Variants in RPS6KA3 observed in about 807,000 individuals in gnomAD.
RPS6KA3 encodes ribosomal protein S6 kinase alpha-3.
RPS6KA3 carries 4 observed loss-of-function variants against 67.2 expected under a neutral mutation model. That is an observed-to-expected ratio of 0.06 (90% CI 0.03 to 0.14). The LOEUF (loss-of-function observed/expected upper bound fraction) is 0.14, where lower values mean the gene tolerates loss of function less well. RPS6KA3 is among the 10% of genes least tolerant of loss of function. RPS6KA3 has a pLI of 1.00. For missense variants in RPS6KA3, 204 were observed against 559.0 expected (o/e 0.36, Z 6.40); for synonymous variants, 182 against 183.7 (o/e 0.99, Z 0.07).
In RPS6KA3 at chrX:20,207,161, G is replaced by T. The variant is rs867718449; in HGVS notation, c.243+2127C>A. Among the ~76,000 whole-genome samples, 3 of 112,147 alleles carry T rather than the reference G, an allele frequency of 2.7e-5. No individual in the cohort carries two copies. In the South Asian group the frequency reaches 1.1e-3, roughly 42 times the overall value. ...GGAGACTCCTTCAATAGACCAGGAA[G>T]AAAGGTGGTAGCATATTCTCAAGGG... On this transcript the variant is annotated intron_variant, in intron 3 of 21. Coordinates refer to ENST00000379565, the MANE Select transcript of RPS6KA3 (RefSeq NM_004586.3).
intron 1 of RPS6KA3, among the ~76,000 whole-genome samples, chrX:20,258,879 T>G (rs2070146014): frequency 8.9e-6 from 1 of 112,004 alleles, no homozygotes; most frequent in Non-Finnish European, 1.9e-5. Flanking sequence ...TGTGGAGATG[T>G]GACTCCAGGC....
chrX:20,200,506 A>G (rs771980311), intron 4 of RPS6KA3, among the ~76,000 whole-genome samples: 90 of 112,001 alleles, frequency 8.0e-4, no homozygotes, highest in African/African-American at 2.8e-3. Flanking sequence ...CCAATAAGTC[A>G]AATATTTTCA....
At chrX:20,216,531 A>G (rs2148750046) in intron 2 of RPS6KA3, among the ~76,000 whole-genome samples, 1 of 111,219 alleles carries the variant, frequency 9.0e-6, no homozygotes, top group South Asian at 3.8e-4. Flanking sequence ...GATAAATACT[A>G]TGAAGAAAAG....
At chrX:20,224,851 C>T (rs765997104) in intron 2 of RPS6KA3, among the ~76,000 whole-genome samples, 20 of 111,511 alleles carry the variant, frequency 1.8e-4, no homozygotes, top group Non-Finnish European at 2.6e-4. Flanking sequence ...GGCAGCAGCA[C>T]CATAGCCCCA....
At chrX:20,176,533 A>G in intron 11 of RPS6KA3, 35 bp from the exon 12 acceptor site, 5 of 929,623 alleles carry the variant, frequency 5.4e-6, no homozygotes, top group Non-Finnish European at 7.8e-6. Context: ...ATTTTATTTC[A>G]AGGAGAAATA....
chrX:20,250,610 G>GA (rs1249227131), intron 1 of RPS6KA3, among the ~76,000 whole-genome samples: 1 of 111,964 alleles, frequency 8.9e-6, no homozygotes, highest in Non-Finnish European at 1.9e-5. Context: ...TTATGATCAA[G>GA]AAAAAATACG....
At chrX:20,220,920 G>C (rs1357779127) in intron 2 of RPS6KA3, among the ~76,000 whole-genome samples, 1 of 111,876 alleles carries the variant, frequency 8.9e-6, no homozygotes, top group African/African-American at 3.2e-5. Flanking sequence ...ATAAGGGAAA[G>C]TATTAATACA....
At chrX:20,167,776 A>G in intron 16 of RPS6KA3, 29 bp from the exon 17 acceptor site, 1 of 989,461 alleles carries the variant, frequency 1.0e-6, no homozygotes, top group Non-Finnish European at 1.4e-6. Context: ...AAATGTAAAT[A>G]TTATTTGAAA....
chrX:20,216,905 C>T (rs2068868604), intron 2 of RPS6KA3, among the ~76,000 whole-genome samples: 1 of 111,937 alleles, frequency 8.9e-6, no homozygotes, highest in Admixed American at 9.5e-5. Context: ...AGGACCATTC[C>T]TTTTTGTTGG....
At chrX:20,247,791 G>GGAAAAAAAAA (rs780915245) in intron 1 of RPS6KA3, among the ~76,000 whole-genome samples, 1 of 39,479 alleles carries the variant, frequency 2.5e-5, no homozygotes, top group Non-Finnish European at 5.4e-5. Context: ...CGTCTCAAAA[G>GGAAAAAAAAA]AAAAAAAAAA....
At chrX:20,182,824 G>A (rs2067878128) in intron 10 of RPS6KA3, among the ~76,000 whole-genome samples, 1 of 111,674 alleles carries the variant, frequency 9.0e-6, no homozygotes, top group Non-Finnish European at 1.9e-5. Context: ...TTCCAGCTAT[G>A]TATAAAAGTT....
chrX:20,213,586 ATTAATT>A (rs946790503), intron 2 of RPS6KA3, among the ~76,000 whole-genome samples: 4 of 111,521 alleles, frequency 3.6e-5, no homozygotes, highest in Admixed American at 9.5e-5. Context: ...TATTAAAGCT[ATTAATT>A]TTAAGAAAAT....
rs533647753 is a variant in RPS6KA3, at chrX:20,183,461, C to T, written c.845+2835G>A. Among the ~76,000 whole-genome samples the T allele has an allele frequency of 1.2e-3, 139 of 111,629 alleles. 1 individual carries two copies. In the South Asian group the frequency reaches 0.05, roughly 40 times the overall value. On this transcript the variant is annotated intron_variant, in intron 10 of 21. Transcript: ENST00000379565. ...TGGATTACAGGTGTGAGCCACCACT[C>T]CCTGCCTATTTTTTATACGAATATT...
intron 1 of RPS6KA3, among the ~76,000 whole-genome samples, chrX:20,243,065 A>T (rs893009439): frequency 2.1e-4 from 24 of 112,264 alleles, no homozygotes; most frequent in African/African-American, 7.8e-4. Context: ...TAAAAAAAAA[A>T]TAAAACAAGC....
At chrX:20,226,932 A>G (rs1423391905) in intron 2 of RPS6KA3, among the ~76,000 whole-genome samples, 1 of 112,322 alleles carries the variant, frequency 8.9e-6, no homozygotes, top group African/African-American at 3.2e-5. Context: ...TGACTATGTA[A>G]ACACTGCTCA....
chrX:20,167,637 A>G lies in RPS6KA3; in HGVS notation c.1554T>C (p.Ala518=). 8.3e-7 allele frequency: 1 copy of G among 1,210,126 alleles called. No homozygotes were observed. The highest frequency in any genetic ancestry group is 1.1e-6 in the Non-Finnish European group (1 of 893,794). The change falls in exon 17 of 22, where the codon GCT becomes GCC. Residue 518 remains alanine, a synonymous_variant. Transcript: ENST00000379565. Reference sequence around the variant, plus strand: ...CGGTTTTAGTTATAGTGAACAGGACAGCACTGGCCTCTCGTTCAGAGAAAA... The same window carrying G: ...CGGTTTTAGTTATAGTGAACAGGACGGCACTGGCCTCTCGTTCAGAGAAAA... The part of the protein sequence containing the change: ...QKFFSEREAS[A]VLFTITKTVE...
At chrX:20,195,862 G>C (rs1483655424) in intron 4 of RPS6KA3, among the ~76,000 whole-genome samples, 5 of 112,172 alleles carry the variant, frequency 4.5e-5, no homozygotes, top group African/African-American at 1.6e-4. Flanking sequence ...CTGTAGCTTT[G>C]AGGAGCATAT....
At chrX:20,266,980 G>C, upstream of RPS6KA3, 2 of 749,347 alleles carry the variant, frequency 2.7e-6, no homozygotes, top group East Asian at 3.1e-4. Context: ...GCTCCCAGCA[G>C]AACAGCGACC....
At chrX:20,226,417 C>T (rs1468158763) in intron 2 of RPS6KA3, among the ~76,000 whole-genome samples, 2 of 111,611 alleles carry the variant, frequency 1.8e-5, no homozygotes, top group Non-Finnish European at 3.8e-5. Flanking sequence ...CAGGAGAAAT[C>T]GGGCTCTCCT....
Sources: allele counts gnomAD v4.1 joint callset (sites outside exome capture counted in the v4.1 genomes callset), GRCh38; gene constraint gnomAD v4.1.1; transcripts MANE v1.5; gene names NCBI Gene and HGNC (gene_info 2026-07-23, HGNC 2026-07-21).